Variants in WDR27 observed in about 807,000 individuals in gnomAD.
WDR27 encodes the protein WD repeat domain 27.
WDR27 carries 100 observed loss-of-function variants against 114.4 expected under a neutral mutation model. The ratio of observed to expected loss-of-function variants is 0.87; its 90% CI spans 0.74 to 1.03. WDR27 has a LOEUF of 1.03. Among genes scored for constraint, WDR27 ranks in the 50% least tolerant of loss-of-function variants. The pLI is 0.00. For synonymous variants in WDR27, 449 were observed against 423.1 expected (o/e 1.06, Z -0.75); for missense variants, 1,129 against 1,092.9 (o/e 1.03, Z -0.47).
chr6:169,545,670 C>G (rs1171340787), intron 25 of WDR27, among the ~76,000 whole-genome samples: 1 of 151,886 alleles, frequency 6.6e-6, no homozygotes. Context: ...AGAGTGAGAC[C>G]CTGTCTCCAA....
chr6:169,664,658 G>A lies in WDR27; in HGVS notation c.784-372C>T, dbSNP rs370831716. 1.4e-4 allele frequency: 145 copies of A among 1,050,032 alleles called. No homozygotes were observed. In the South Asian group the frequency reaches 3.3e-3, roughly 24 times the overall value. The allele number at this position is 1,050,032 out of a possible 1,614,324, so 65.0% of individuals were successfully genotyped here. On this transcript the variant is annotated intron_variant, in intron 7 of 25. Transcript: ENST00000448612. ...CTGGGTGAGAAGACAAGGCAACAGC[G>A]GTCAACTTTGTCAAAAGGAAAAAAA...
chr6:169,582,548 C>A (rs1803674907), intron 24 of WDR27, among the ~76,000 whole-genome samples: 1 of 152,086 alleles, frequency 6.6e-6, no homozygotes, highest in African/African-American at 2.4e-5. Context: ...GTCCACAGGT[C>A]TTCCCATACG....
intron 23 of WDR27, among the ~76,000 whole-genome samples, chr6:169,584,410 C>A (rs2092335): frequency 6.6e-6 from 1 of 152,128 alleles, no homozygotes; most frequent in Non-Finnish European, 1.5e-5. Context: ...TTAAGTGGTG[C>A]TGATTGCCTC....
At chr6:169,651,183 C>CGGGG (rs763059214) in intron 14 of WDR27, among the ~76,000 whole-genome samples, 100 of 7,704 alleles carry the variant, frequency 0.013, 4 homozygotes, top group East Asian at 0.052. Flanking sequence ...CAGTGCGGGG[C>CGGGG]GGGGGGGGGG....
chr6:169,491,335 G>C (rs761588612), intron 25 of WDR27, among the ~76,000 whole-genome samples: 4 of 152,032 alleles, frequency 2.6e-5, no homozygotes, highest in Non-Finnish European at 5.9e-5. Flanking sequence ...TGTAGGGTGG[G>C]GTTACTTAGT....
chr6:169,667,409 G>A, intron 5 of WDR27: 1 of 1,213,444 alleles, frequency 8.2e-7, no homozygotes, highest in South Asian at 3.7e-5. Context: ...ATAAAACCCT[G>A]GTGGATTTGA....
intron 23 of WDR27, among the ~76,000 whole-genome samples, chr6:169,596,152 A>T (rs1172637772): frequency 1.3e-5 from 2 of 152,022 alleles, no homozygotes; most frequent in Non-Finnish European, 2.9e-5. Context: ...ATTTAACTAA[A>T]TTTTTTTAAT....
Position 169,701,692 on chromosome 6 carries a change from C to G in WDR27, c.-149G>C, listed in dbSNP as rs971132513. The stretch of plus-strand genomic sequence containing the variant: ...CTAGCACGGCGTCAGGAGGAGGCTT[C>G]GGGTGACGAGACAGCGGGCAACGGC... On this transcript the variant is annotated 5_prime_UTR_variant, in exon 1 of 26. Transcript: ENST00000448612. 3.9e-5 allele frequency: 7 copies of G among 179,790 alleles called. No individual in the cohort carries two copies. Among genetic ancestry groups the G allele is most frequent in the African/African-American group, 1.7e-4 (7 of 41,572 alleles). 11.1% of individuals were successfully genotyped at this position (179,790 alleles called of 1,614,324 possible). A position where few individuals can be genotyped will look rare whatever the true frequency, so the allele number is the denominator to read the frequency against.
chr6:169,667,781 C>G (rs928642723), intron 5 of WDR27, among the ~76,000 whole-genome samples: 3 of 152,240 alleles, frequency 2.0e-5, no homozygotes, highest in East Asian at 1.9e-4. Flanking sequence ...GTCAGGAATC[C>G]AAGCCCAGCC....
At chr6:169,636,256 T>C in intron 19 of WDR27, 115 bp downstream of exon 19, 1 of 1,240,154 alleles carries the variant, frequency 8.1e-7, no homozygotes, top group Non-Finnish European at 1.1e-6. Flanking sequence ...TTTGGTGATA[T>C]GAGGTCATTA....
At chr6:169,681,014 T>C (rs568261302) in intron 2 of WDR27, among the ~76,000 whole-genome samples, 17 of 152,298 alleles carry the variant, frequency 1.1e-4, no homozygotes, top group African/African-American at 2.9e-4. Flanking sequence ...CTCAAGAATA[T>C]AGAAGACTTG....
intron 1 of WDR27, among the ~76,000 whole-genome samples, chr6:169,689,658 A>G (rs1408306163): frequency 6.6e-6 from 1 of 152,262 alleles, no homozygotes; most frequent in Non-Finnish European, 1.5e-5. Context: ...CCAACTTTAC[A>G]CTTAACTTCA....
Position 169,659,576 on chromosome 6 carries a change from C to T in WDR27, c.1130-58G>A, listed in dbSNP as rs1231339999. 24 of 1,521,282 alleles carry T rather than the reference C, an allele frequency of 1.6e-5. No individual in the cohort carries two copies. The highest frequency in any genetic ancestry group is 5.8e-5 in the Admixed American group (3 of 52,056). 94.2% of individuals were successfully genotyped at this position (1,521,282 alleles called of 1,614,324 possible). A position where few individuals can be genotyped will look rare whatever the true frequency, so the allele number is the denominator to read the frequency against. ...TGGGGAGGGAGGTAGCACATACACA[C>T]GGAGTCACTGCCCAGAGCCCACCAC... On this transcript the variant is annotated intron_variant, in intron 10 of 25. Coordinates refer to ENST00000448612, the MANE Select transcript of WDR27 (RefSeq NM_182552.5). This position sits in a 1 kb window ranked among gnomAD's most constrained non-coding sequence, Gnocchi z 4.3.
chr6:169,659,461 G>C lies in WDR27; in HGVS notation c.1187C>G (p.Ala396Gly). ...CGTCTCAGGACTGACCTTTTGATCC[G>C]CAGTGCGGTTCCTCAGGGCACACGA... Reference protein sequence around the residue: ...AGSCALRNRTADQKVLCLLAS... With the variant: ...AGSCALRNRTGDQKVLCLLAS... The change falls in exon 11 of 26, where the codon GCG (alanine) becomes GGG (glycine). Residue 396 changes from alanine to glycine, a missense_variant. Transcript: ENST00000448612. This position sits in a 1 kb window ranked among gnomAD's most constrained non-coding sequence, Gnocchi z 4.3. 1.2e-6 allele frequency: 2 copies of C among 1,608,564 alleles called. No homozygotes were observed. Among genetic ancestry groups the C allele is most frequent in the Non-Finnish European group, 1.7e-6 (2 of 1,177,532 alleles).
intron 25 of WDR27, among the ~76,000 whole-genome samples, chr6:169,498,974 C>T (rs1583794563): frequency 6.6e-6 from 1 of 152,182 alleles, no homozygotes; most frequent in Non-Finnish European, 1.5e-5. Context: ...AACATGCACC[C>T]ACACGAGTAC....
At chr6:169,501,990 G>T (rs932171529) in intron 25 of WDR27, among the ~76,000 whole-genome samples, 1 of 152,236 alleles carries the variant, frequency 6.6e-6, no homozygotes, top group African/African-American at 2.4e-5. Context: ...GGACTGGGCC[G>T]GATCGCTCCA....
intron 1 of WDR27, among the ~76,000 whole-genome samples, chr6:169,693,625 T>A (rs958127382): frequency 2.0e-5 from 3 of 150,212 alleles, no homozygotes; most frequent in Non-Finnish European, 4.4e-5. Context: ...AAACTTAAGG[T>A]AAAGGAGAGG....
chr6:169,439,398 A>G, the WDR27 span, among the ~76,000 whole-genome samples: 1 of 152,102 alleles, frequency 6.6e-6, no homozygotes, highest in Non-Finnish European at 1.5e-5. Flanking sequence ...TTTTTTGGTC[A>G]TCTACAGTGC....
intron 25 of WDR27, among the ~76,000 whole-genome samples, chr6:169,561,159 G>C (rs1162184038): frequency 2.0e-5 from 3 of 152,028 alleles, no homozygotes. Context: ...GAAGGTGCTG[G>C]CAGTGCCTGG....
Sources: gnomAD v4.1 joint callset for allele counts (sites outside exome capture counted in the v4.1 genomes callset) on GRCh38, gnomAD v4.1.1 for gene constraint, Gnocchi (gnomAD v3.1) non-coding constraint, MANE v1.5 for transcripts, NCBI Gene and HGNC (gene_info 2026-07-23, HGNC 2026-07-21) for gene names.